FH: variants seen among roughly 807,000 people sequenced by gnomAD.
The protein encoded by FH is fumarate hydratase, mitochondrial.
Under a neutral mutation model 49.4 loss-of-function variants are expected in FH, and 22 were observed. The observed-to-expected ratio is 0.45, with a 90% CI of 0.32 to 0.64. The LOEUF is 0.64. FH is among the 30% of genes least tolerant of loss of function. The pLI, the probability that FH is intolerant of heterozygous loss-of-function variation, is 0.05. For missense variants in FH, 526 were observed against 641.5 expected (o/e 0.82, Z 1.95); for synonymous variants, 208 against 223.0 (o/e 0.93, Z 0.60).
chr1:241,505,875 CAT>C (rs1040702772), intron 6 of FH, 126 bp downstream of exon 6: 26 of 913,962 alleles, frequency 2.8e-5, no homozygotes, highest in Middle Eastern at 2.2e-4. Flanking sequence ...ACTTAAAACA[CAT>C]GTTTGATGGA....
At position 241,519,736 on chromosome 1, in the gene FH, C is replaced by G. The variant is rs543556537; in HGVS notation, c.-14G>C. 6.6e-7 allele frequency: 1 copy of G among 1,523,826 alleles called. No individual in the cohort carries two copies. The highest frequency in any genetic ancestry group is 1.4e-5 in the African/African-American group (1 of 71,302). The allele number at this position is 1,523,826 out of a possible 1,614,324, so 94.4% of individuals were successfully genotyped here. A position where few individuals can be genotyped will look rare whatever the true frequency, so the allele number is the denominator to read the frequency against. ...TGCTCGGTACATGGTGCTGAGGGAG[C>G]TTGGGTAGAATTTCTGGGCGGCTGT... On this transcript the variant is annotated 5_prime_UTR_variant, in exon 1 of 10. Transcript: ENST00000366560.
chr1:241,519,258 C>T (rs1190121084), intron 1 of FH: 4 of 285,830 alleles, frequency 1.4e-5, no homozygotes, highest in Non-Finnish European at 2.6e-5. Flanking sequence ...TGGGGGCCTG[C>T]GCGCCAGCAG....
At chr1:241,498,014 T>A (rs769969640) in intron 9 of FH, 44 bp from the exon 10 acceptor site, 1 of 1,607,754 alleles carries the variant, frequency 6.2e-7, no homozygotes, top group South Asian at 1.1e-5. Context: ...AGCAGTGATA[T>A]TTGGTTTCCT....
At chr1:241,516,886 C>T (rs1315195459) in intron 2 of FH, among the ~76,000 whole-genome samples, 1 of 151,238 alleles carries the variant, frequency 6.6e-6, no homozygotes, top group African/African-American at 2.4e-5. Context: ...CTCTTGACCT[C>T]GTGATCTGCC....
At chr1:241,516,017 G>T (rs148736803) in intron 2 of FH, among the ~76,000 whole-genome samples, 2 of 152,204 alleles carry the variant, frequency 1.3e-5, no homozygotes, top group African/African-American at 4.8e-5. Flanking sequence ...GTAATACTTT[G>T]ATGTGTTTGT....
At chr1:241,501,436 A>C (rs1366147596) in intron 8 of FH, among the ~76,000 whole-genome samples, 2 of 152,174 alleles carry the variant, frequency 1.3e-5, no homozygotes, top group Non-Finnish European at 1.5e-5. Context: ...TCTCGTGTTA[A>C]CTGTTTGGAA....
chr1:241,512,923 G>GT (rs1274381109), intron 3 of FH, among the ~76,000 whole-genome samples: 1 of 151,940 alleles, frequency 6.6e-6, no homozygotes, highest in Non-Finnish European at 1.5e-5. Context: ...GTGTGTGTGT[G>GT]TGTGTGTGTG....
chr1:241,498,046 G>T, intron 9 of FH, 76 bp from the exon 10 acceptor site: 1 of 1,472,272 alleles, frequency 6.8e-7, no homozygotes, highest in Non-Finnish European at 9.5e-7. Flanking sequence ...TGACATAATT[G>T]TTTACTTGAT....
intron 7 of FH, among the ~76,000 whole-genome samples, chr1:241,503,402 C>T (rs1271138403): frequency 6.6e-6 from 1 of 152,206 alleles, no homozygotes; most frequent in Non-Finnish European, 1.5e-5. Flanking sequence ...CTTTATGGAT[C>T]TCAGTTCTGT....
intron 2 of FH, among the ~76,000 whole-genome samples, chr1:241,516,658 A>ATT (rs34340049): frequency 7.8e-4 from 116 of 148,494 alleles, no homozygotes; most frequent in Non-Finnish European, 8.2e-4. Context: ...AATTAAATTA[A>ATT]TTTTTTTTTT....
At chr1:241,498,050 A>C (rs1203856789) in intron 9 of FH, 80 bp from the exon 10 acceptor site, 2 of 1,430,312 alleles carry the variant, frequency 1.4e-6, no homozygotes, top group Non-Finnish European at 2.0e-6. Context: ...ATAATTGTTT[A>C]CTTGATATTG....
rs1250586850 is a variant in FH at position 241,515,660 on chromosome 1, A to G, written c.267+1522T>C. ...AGCATATTTATAAGATAAGTGTTAA[A>G]CAATATCTCACAGGATGAAGCCTAT... On this transcript the variant is annotated intron_variant, in intron 2 of 9. Transcript: ENST00000366560. 2.0e-5 allele frequency among the ~76,000 whole-genome samples: 3 copies of G among 152,250 alleles called. No individual in the cohort carries two copies. The East Asian group carries it at 5.8e-4, about 29-fold the overall frequency.
chr1:241,518,991 T>C (rs1054543332), intron 1 of FH: 9 of 152,334 alleles, frequency 5.9e-5, no homozygotes, highest in South Asian at 2.1e-4. Flanking sequence ...GGGGAAACCA[T>C]AGTCAGCCTA....
chr1:241,509,645 G>A (rs544387348), intron 4 of FH, among the ~76,000 whole-genome samples: 6 of 152,250 alleles, frequency 3.9e-5, no homozygotes, highest in African/African-American at 1.2e-4. Context: ...GCATGGCGGT[G>A]CATGCCTATG....
chr1:241,502,694 T>A, intron 7 of FH, 124 bp from the exon 8 acceptor site: 1 of 1,194,736 alleles, frequency 8.4e-7, no homozygotes, highest in Non-Finnish European at 1.2e-6. Context: ...ACCATCAGTG[T>A]AATTTAATGA....
intron 2 of FH, among the ~76,000 whole-genome samples, 161 bp downstream of exon 2, chr1:241,517,021 T>G (rs568440907): frequency 6.6e-6 from 1 of 152,326 alleles, no homozygotes; most frequent in South Asian, 2.1e-4. Context: ...CTTCAAAAAG[T>G]TCTTTAACAT....
intron 5 of FH, among the ~76,000 whole-genome samples, chr1:241,506,596 GCAAA>G (rs1195669546): frequency 6.6e-6 from 1 of 152,122 alleles, no homozygotes; most frequent in East Asian, 1.9e-4. Context: ...CCAAAAAAAT[GCAAA>G]CATAGAAATA....
chr1:241,505,902 A>C, intron 6 of FH, 101 bp downstream of exon 6: 1 of 1,084,982 alleles, frequency 9.2e-7, no homozygotes, highest in Non-Finnish European at 1.4e-6. Context: ...TATCATTTCT[A>C]ACTTTAAATT....
At chr1:241,507,397 C>G (rs1659958169) in intron 5 of FH, among the ~76,000 whole-genome samples, 1 of 151,966 alleles carries the variant, frequency 6.6e-6, no homozygotes, top group African/African-American at 2.4e-5. Flanking sequence ...GAACATACCC[C>G]CATTGCTAAG....
Sources: gnomAD v4.1 joint callset for allele counts (sites outside exome capture counted in the v4.1 genomes callset) on GRCh38, gnomAD v4.1.1 for gene constraint, MANE v1.5 for transcripts, NCBI Gene and HGNC (gene_info 2026-07-23, HGNC 2026-07-21) for gene names.